UGT2A2: variants seen among roughly 807,000 people sequenced by gnomAD.
UGT2A2 encodes UDP glucuronosyltransferase family 2 member A2.
In UGT2A2, 60 loss-of-function variants were observed where a neutral mutation model predicts 50.7. The ratio of observed to expected loss-of-function variants is 1.18; its 90% CI spans 0.96 to 1.47. The LOEUF (loss-of-function observed/expected upper bound fraction) is 1.47, where lower values mean the gene tolerates loss of function less well. Among genes scored for constraint, UGT2A2 ranks in the 40% most tolerant of loss-of-function variants. The pLI, the probability that UGT2A2 is intolerant of heterozygous loss-of-function variation, is 0.00. For missense variants in UGT2A2, 762 were observed against 634.0 expected (o/e 1.20, Z -2.17); for synonymous variants, 242 against 214.6 (o/e 1.13, Z -1.11).
chr4:69,600,758 A>G (rs899089114), intron 1 of UGT2A2, among the ~76,000 whole-genome samples: 2 of 152,004 alleles, frequency 1.3e-5, no homozygotes, highest in African/African-American at 4.8e-5. Flanking sequence ...GTTGTTTTGC[A>G]TGATGGGAGC....
chr4:69,606,519 G>T (rs1318387271), intron 1 of UGT2A2, among the ~76,000 whole-genome samples: 2 of 136,178 alleles, frequency 1.5e-5, no homozygotes, highest in Non-Finnish European at 3.1e-5. Context: ...GCACAAGACA[G>T]GGATGCCCTC....
At chr4:69,619,956 A>G (rs1720647083) in intron 1 of UGT2A2, among the ~76,000 whole-genome samples, 1 of 152,022 alleles carries the variant, frequency 6.6e-6, no homozygotes, top group Non-Finnish European at 1.5e-5. Flanking sequence ...GCAAAAACTC[A>G]ATAAACTAAG....
intron 5 of UGT2A2, among the ~76,000 whole-genome samples, chr4:69,593,675 A>T (rs77617178): frequency 0.04 from 6,105 of 151,716 alleles, 221 homozygotes; most frequent in South Asian, 0.17. Flanking sequence ...AAAATATCAC[A>T]TAGTACAAAT....
chr4:69,633,753 C>T (rs1483251456), intron 1 of UGT2A2, among the ~76,000 whole-genome samples: 1 of 152,002 alleles, frequency 6.6e-6, no homozygotes, highest in Non-Finnish European at 1.5e-5. Flanking sequence ...AAAATTGATC[C>T]ATGGTTTCAG....
Position 69,594,629 on chromosome 4 carries a change from GT to G in UGT2A2, c.1178del (p.His393ProfsTer21), listed in dbSNP as rs767487037. 10 of 1,614,094 alleles carry G rather than the reference GT, an allele frequency of 6.2e-6. No homozygotes were observed. Among genetic ancestry groups the G allele is most frequent in the African/African-American group, 1.3e-5 (1 of 75,034 alleles). ...GTNGIYEAIYHGVPMVGVPMF... is the reference protein window; with the variant it reads ...GTNGIYEAIYXGVPMVGVPMF... Reference sequence around the variant, plus strand: ...TGGGAACTCCCACCATAGGGACTCCGTGGTAAATAGCTTCGTAGATCCCATT... The same window carrying G: ...TGGGAACTCCCACCATAGGGACTCCGGGTAAATAGCTTCGTAGATCCCATT... On this transcript the variant is annotated frameshift_variant, in exon 5 of 6. Transcript: ENST00000604629. LOFTEE classifies it high-confidence loss of function.
chr4:69,589,830 T>C (rs1045839245), intron 5 of UGT2A2, among the ~76,000 whole-genome samples, 179 bp from the exon 6 acceptor site: 1 of 152,176 alleles, frequency 6.6e-6, no homozygotes, highest in African/African-American at 2.4e-5. Context: ...AAGGAAGATA[T>C]GGATGAAATA....
intron 1 of UGT2A2, among the ~76,000 whole-genome samples, chr4:69,630,440 A>T (rs986706536): frequency 6.6e-6 from 1 of 152,094 alleles, no homozygotes; most frequent in African/African-American, 2.4e-5. Context: ...ACCACAAGCC[A>T]TAGTTTTTAT....
intron 1 of UGT2A2, among the ~76,000 whole-genome samples, chr4:69,617,145 G>C (rs1720451814): frequency 2.0e-5 from 3 of 151,884 alleles, no homozygotes; most frequent in Admixed American, 2.0e-4. Context: ...AATAAACTAT[G>C]TGTAAAAGCA....
intron 1 of UGT2A2, among the ~76,000 whole-genome samples, chr4:69,617,054 G>A (rs1377278873): frequency 6.6e-6 from 1 of 151,670 alleles, no homozygotes; most frequent in Non-Finnish European, 1.5e-5. Context: ...CCAATTGCCA[G>A]GAAATTCTCA....
chr4:69,624,814 G>C (rs1293408087), intron 1 of UGT2A2, among the ~76,000 whole-genome samples: 1 of 151,194 alleles, frequency 6.6e-6, no homozygotes, highest in Non-Finnish European at 1.5e-5. Flanking sequence ...GTTTTAAGCA[G>C]TCATTTAACC....
intron 1 of UGT2A2, among the ~76,000 whole-genome samples, chr4:69,625,723 A>G (rs546724033): frequency 6.6e-6 from 1 of 151,636 alleles, no homozygotes; most frequent in East Asian, 1.9e-4. Context: ...AAATTTACAT[A>G]CAGAAATACA....
chr4:69,595,143 T>A lies in UGT2A2; in HGVS notation c.1111+19A>T. The A allele has an allele frequency of 6.2e-7, 1 of 1,613,674 alleles. No individual in the cohort carries two copies. Among genetic ancestry groups the A allele is most frequent in the Non-Finnish European group, 8.5e-7 (1 of 1,179,728 alleles). ...GTCTATTGTCCCACTGTACAGCTTTTCTTTCCCCACAGTCTTACCAAGAAG... is the reference window on the plus strand; with the variant it reads ...GTCTATTGTCCCACTGTACAGCTTTACTTTCCCCACAGTCTTACCAAGAAG... On this transcript the variant is annotated intron_variant, in intron 4 of 5. Coordinates refer to ENST00000604629, the MANE Select transcript of UGT2A2 (RefSeq NM_001105677.2).
chr4:69,622,192 G>A (rs1455663629), intron 1 of UGT2A2, among the ~76,000 whole-genome samples: 2 of 151,580 alleles, frequency 1.3e-5, no homozygotes, highest in African/African-American at 4.8e-5. Context: ...TTTAACATAT[G>A]AGCTTAAAAT....
intron 1 of UGT2A2, among the ~76,000 whole-genome samples, chr4:69,607,554 C>A (rs956180608): frequency 7.2e-5 from 11 of 151,886 alleles, no homozygotes; most frequent in South Asian, 2.1e-4. Context: ...GCAACAAAAG[C>A]CAAAATTGAC....
At chr4:69,607,266 G>C (rs79471843) in intron 1 of UGT2A2, among the ~76,000 whole-genome samples, 2 of 148,424 alleles carry the variant, frequency 1.3e-5, no homozygotes, top group African/African-American at 2.5e-5. Context: ...ATAATGCTGC[G>C]TATCTACAAC....
In UGT2A2 at chr4:69,596,341, A is replaced by C. The variant is rs762243860; in HGVS notation, c.932T>G (p.Val311Gly). 1 of 1,606,026 alleles carries C rather than the reference A, an allele frequency of 6.2e-7. No homozygotes were observed. The highest frequency in any genetic ancestry group is 2.2e-5 in the East Asian group (1 of 44,472). Residue 311 changes from valine (V) to glycine (G), a missense_variant, in exon 3 of 6, where the codon GTT (valine) becomes GGT (glycine). By Grantham distance (109) the Val-to-Gly change is moderately radical. Coordinates refer to ENST00000604629, the MANE Select transcript of UGT2A2 (RefSeq NM_001105677.2). ...EFIQSSGKNG[V>G]VVFSLGSMVK... ...CATTGATCCCAGAGAAAACACCACA[A>C]CACCATTTTTACCTGAGCTCTGGAT...
At position 69,639,201 on chromosome 4, in the gene UGT2A2, C is replaced by T. The variant is rs766599220; in HGVS notation, c.440G>A (p.Arg147Lys). The T allele has an allele frequency of 2.4e-5, 39 of 1,613,698 alleles. No homozygotes were observed. The Middle Eastern group carries it at 2.0e-3, about 82-fold the overall frequency. ...CACATCAAAACCACCTTTCTGAAGTCTTGCCATCAACTTTGGGTTCTTTAG... is the reference window on the plus strand; with the variant it reads ...CACATCAAAACCACCTTTCTGAAGTTTTGCCATCAACTTTGGGTTCTTTAG... Reference protein sequence around the residue: ...GVLKNPKLMARLQKGGFDVLV... With the variant: ...GVLKNPKLMAKLQKGGFDVLV... The change falls in exon 1 of 6, where the codon AGA (arginine) becomes AAA (lysine). Residue 147 changes from arginine (R) to lysine (K), a missense_variant. Transcript: ENST00000604629.
At chr4:69,599,695 AAG>A (rs138740078) in intron 1 of UGT2A2, 128 of 200,162 alleles carry the variant, frequency 6.4e-4, no homozygotes, top group Middle Eastern at 1.7e-3. Flanking sequence ...GAAATAAAGA[AAG>A]AGAGAGAGAG....
intron 1 of UGT2A2, among the ~76,000 whole-genome samples, chr4:69,628,796 C>T (rs181807331): frequency 1.7e-3 from 257 of 148,460 alleles, no homozygotes; most frequent in African/African-American, 6.2e-3. Flanking sequence ...ACGTGAAATG[C>T]CTAAAAACTG....
Sources: gnomAD v4.1 joint callset for allele counts (sites outside exome capture counted in the v4.1 genomes callset) on GRCh38, gnomAD v4.1.1 for gene constraint, MANE v1.5 for transcripts, NCBI Gene and HGNC (gene_info 2026-07-23, HGNC 2026-07-21) for gene names.